Variants in FZD3 observed in about 807,000 individuals in gnomAD.
FZD3 encodes frizzled-3.
A neutral mutation model predicts 60.7 loss-of-function variants in FZD3; 30 were observed. The ratio of observed to expected loss-of-function variants is 0.49; its 90% CI spans 0.37 to 0.67. FZD3 has a LOEUF of 0.67. Ranked by LOEUF, FZD3 falls within the 30% of genes least tolerant of loss-of-function variation. The pLI, the probability that FZD3 is intolerant of heterozygous loss-of-function variation, is 0.00. For synonymous variants in FZD3, 246 were observed against 275.2 expected, an observed-to-expected ratio of 0.89 and a Z score of 1.05; for missense variants, 605 against 838.7, an observed-to-expected ratio of 0.72 and a Z score of 3.44.
chr8:28,563,580 T>G lies in FZD3; in HGVS notation c.*569T>G, dbSNP rs1805654534. The G allele has an allele frequency of 6.5e-6, 1 of 153,364 alleles. No homozygotes were observed. The highest frequency in any genetic ancestry group is 1.5e-5 in the Non-Finnish European group (1 of 68,844). 9.5% of individuals were successfully genotyped at this position (153,364 alleles called of 1,614,324 possible). ...AAGTGCAACAGAAGAATTTGATTAG[T>G]CTATGAAAGGTTCTCTTAAAATTCT... is the stretch of plus-strand genomic sequence containing the variant. On this transcript the variant is annotated 3_prime_UTR_variant, in exon 8 of 8. Coordinates refer to ENST00000240093, the MANE Select transcript of FZD3 (RefSeq NM_017412.4).
At position 28,503,149 on chromosome 8, in the gene FZD3, A is replaced by G; in HGVS notation, c.136A>G (p.Met46Val). ...AGATTTGCCTTATAATACTACCTTC[A>G]TGCCTAATCTTCTGAATCATTATGA... ...CQDLPYNTTF[M>V]PNLLNHYDQQ... The change falls in exon 3 of 8, where the codon ATG (methionine) becomes GTG (valine). Residue 46 changes from methionine (M) to valine (V), a missense_variant. Transcript: ENST00000240093. 6.2e-7 allele frequency: 1 copy of G among 1,613,598 alleles called. No homozygotes were observed. The highest frequency in any genetic ancestry group is 8.5e-7 in the Non-Finnish European group (1 of 1,179,520).
At chr8:28,494,959 C>A (rs1002538002) in intron 1 of FZD3, among the ~76,000 whole-genome samples, 1 of 152,170 alleles carries the variant, frequency 6.6e-6, no homozygotes, top group Non-Finnish European at 1.5e-5. Context: ...AGTCCTTGCT[C>A]CCTTCCGCGA....
intron 3 of FZD3, among the ~76,000 whole-genome samples, chr8:28,515,690 T>G (rs1804408497): frequency 6.6e-6 from 1 of 152,212 alleles, no homozygotes; most frequent in Non-Finnish European, 1.5e-5. Flanking sequence ...TTAGCATGTT[T>G]GAGCCCACTC....
chr8:28,521,391 A>G (rs982492833), intron 4 of FZD3, among the ~76,000 whole-genome samples: 2 of 152,100 alleles, frequency 1.3e-5, no homozygotes, highest in African/African-American at 2.4e-5. Context: ...TATTAATAAT[A>G]TACTATATTT....
At chr8:28,497,900 A>G (rs1585936456) in intron 1 of FZD3, among the ~76,000 whole-genome samples, 2 of 152,288 alleles carry the variant, frequency 1.3e-5, no homozygotes, top group African/African-American at 4.8e-5. Flanking sequence ...ACAGTCTTCC[A>G]AGATTGGAAT....
intron 3 of FZD3, among the ~76,000 whole-genome samples, chr8:28,509,230 C>T (rs1287629990): frequency 6.6e-6 from 1 of 151,614 alleles, no homozygotes; most frequent in African/African-American, 2.4e-5. Context: ...TAGTTTCTAT[C>T]CCTCTGTCAC....
At chr8:28,505,962 C>G (rs10102390) in intron 3 of FZD3, among the ~76,000 whole-genome samples, 2,837 of 152,320 alleles carry the variant, frequency 0.019, 80 homozygotes, top group African/African-American at 0.064. Flanking sequence ...TGCAAACACA[C>G]ATGCTACGTT....
chr8:28,520,898 C>T, intron 4 of FZD3, 64 bp downstream of exon 4: 1 of 1,134,202 alleles, frequency 8.8e-7, no homozygotes, highest in Non-Finnish European at 1.2e-6. Flanking sequence ...AAGTACTTGT[C>T]TTCTTTTCCA....
chr8:28,536,085 G>C (rs1054491590), intron 5 of FZD3, among the ~76,000 whole-genome samples: 4 of 152,156 alleles, frequency 2.6e-5, no homozygotes, highest in African/African-American at 9.7e-5. Context: ...TCTTACCGGA[G>C]TGCTTTGCAC....
At position 28,527,975 on chromosome 8, in the gene FZD3, A is replaced by G. The variant is rs1257854701; in HGVS notation, c.1215A>G (p.Pro405=). ...TAAACAGAGTTCGAATTGAGATTCC[A>G]TTAGAAAAGGAGAACCAAGATAAAT... ...ISLNRVRIEI[P]LEKENQDKLV... The change falls in exon 5 of 8, where the codon CCA becomes CCG. Residue 405 remains proline (P), a synonymous_variant. Coordinates refer to ENST00000240093, the MANE Select transcript of FZD3 (RefSeq NM_017412.4). This position sits in a 1 kb window ranked among gnomAD's most constrained non-coding sequence, Gnocchi z 5.0. The G allele has an allele frequency of 2.5e-6, 4 of 1,613,930 alleles. No individual in the cohort carries two copies. Among genetic ancestry groups the G allele is most frequent in the Non-Finnish European group, 3.4e-6 (4 of 1,179,928 alleles).
chr8:28,539,318 A>G (rs991494230), intron 5 of FZD3, among the ~76,000 whole-genome samples: 2 of 152,208 alleles, frequency 1.3e-5, no homozygotes, highest in African/African-American at 4.8e-5. Context: ...TTTATTGACT[A>G]GTTCATCTTT....
intron 4 of FZD3, among the ~76,000 whole-genome samples, chr8:28,524,303 T>G (rs529365522): frequency 8.2e-4 from 125 of 152,362 alleles, no homozygotes; most frequent in Admixed American, 2.5e-3. Context: ...TCCCTCTTAC[T>G]GTACTTATTT....
At chr8:28,512,917 G>A (rs1248107803) in intron 3 of FZD3, among the ~76,000 whole-genome samples, 1 of 151,998 alleles carries the variant, frequency 6.6e-6, no homozygotes, top group Non-Finnish European at 1.5e-5. Flanking sequence ...TTTAGAAAAT[G>A]AAACTTCTTT....
At chr8:28,536,947 A>G (rs892234936) in intron 5 of FZD3, among the ~76,000 whole-genome samples, 1 of 152,188 alleles carries the variant, frequency 6.6e-6, no homozygotes, top group African/African-American at 2.4e-5. Flanking sequence ...GGAAATGGGT[A>G]TGTTTTACGC....
chr8:28,523,715 G>A (rs183634430), intron 4 of FZD3, among the ~76,000 whole-genome samples: 26 of 152,236 alleles, frequency 1.7e-4, no homozygotes, highest in Admixed American at 2.6e-4. Context: ...AAGCCACTGC[G>A]CTTGGCCAGG....
intron 4 of FZD3, among the ~76,000 whole-genome samples, chr8:28,522,263 C>T (rs1210301164): frequency 1.3e-5 from 2 of 151,030 alleles, no homozygotes; most frequent in East Asian, 3.9e-4. Context: ...AACATTATAA[C>T]AAAATGACAT....
chr8:28,533,311 A>G (rs1258177088), intron 5 of FZD3, among the ~76,000 whole-genome samples: 1 of 152,098 alleles, frequency 6.6e-6, no homozygotes, highest in Non-Finnish European at 1.5e-5. Flanking sequence ...CACTGGGATA[A>G]CAGGCCTGAG....
chr8:28,526,879 A>G (rs934580338), intron 4 of FZD3, among the ~76,000 whole-genome samples: 1 of 152,218 alleles, frequency 6.6e-6, no homozygotes, highest in African/African-American at 2.4e-5. Context: ...CCTTAGTTGC[A>G]TAAATGTCTG....
At chr8:28,549,089 T>C (rs1805356853) in intron 5 of FZD3, among the ~76,000 whole-genome samples, 1 of 152,128 alleles carries the variant, frequency 6.6e-6, no homozygotes, top group African/African-American at 2.4e-5. Context: ...TCCTCTCAAG[T>C]CTCTCTCCTT....
Sources: allele counts gnomAD v4.1 joint callset (sites outside exome capture counted in the v4.1 genomes callset), GRCh38; gene constraint gnomAD v4.1.1; non-coding constraint Gnocchi (gnomAD v3.1); transcripts MANE v1.5; gene names NCBI Gene and HGNC (gene_info 2026-07-23, HGNC 2026-07-21).